Variants in PPP2R2C observed in about 807,000 individuals in gnomAD.
PPP2R2C encodes protein phosphatase 2 regulatory subunit Bgamma, also known as protein phosphatase 2, regulatory subunit B, gamma.
PPP2R2C carries 10 observed loss-of-function variants against 45.3 expected under a neutral mutation model. The observed-to-expected ratio is 0.22, with a 90% CI of 0.14 to 0.37. The LOEUF is 0.37. PPP2R2C is among the 10% of genes least tolerant of loss of function. PPP2R2C has a pLI of 1.00. For synonymous variants in PPP2R2C, 257 were observed against 245.4 expected (o/e 1.05, Z -0.44); for missense variants, 308 against 619.7 (o/e 0.50, Z 5.34).
chr4:6,437,877 C>A (rs1577182572), intron 1 of PPP2R2C, among the ~76,000 whole-genome samples: 1 of 152,208 alleles, frequency 6.6e-6, no homozygotes, highest in Non-Finnish European at 1.5e-5. Context: ...GCATCGGCTG[C>A]TGTCTCATCA....
At position 6,330,579 on chromosome 4, in the gene PPP2R2C, G is replaced by A. The variant is rs1732329542; in HGVS notation, c.961-1226C>T. On this transcript the variant is annotated intron_variant, in intron 7 of 8. Transcript: ENST00000382599. The surrounding 1 kb of genome is among the most constrained non-coding windows in gnomAD (Gnocchi z 7.0). ...GGGGATTCCGCTAACAGATGCGTGT[G>A]GGCTCGCATAGTCACTCTCCCCTGG... Among the ~76,000 whole-genome samples, 1 of 152,132 alleles carries A rather than the reference G, an allele frequency of 6.6e-6. No individual in the cohort carries two copies. Among genetic ancestry groups the A allele is most frequent in the African/African-American group, 2.4e-5 (1 of 41,412 alleles).
Position 6,384,268 on chromosome 4 carries a change from C to T in PPP2R2C, c.71-3174G>A, listed in dbSNP as rs146179496. ...TTAAAACCCCCTGAGGGTGAAGGAA[C>T]GGGATATAAAATTGGGTATAAAATG... is the stretch of plus-strand genomic sequence containing the variant. On this transcript the variant is annotated intron_variant, in intron 1 of 8. Transcript: ENST00000382599. 226 of 985,312 alleles carry T rather than the reference C, an allele frequency of 2.3e-4. 1 individual carries two copies. The African/African-American group carries it at 2.9e-3, about 13-fold the overall frequency. 61.0% of individuals were successfully genotyped at this position (985,312 alleles called of 1,614,324 possible).
intron 1 of PPP2R2C, among the ~76,000 whole-genome samples, chr4:6,390,131 A>AGG (rs1716499056): frequency 6.6e-6 from 1 of 152,066 alleles, no homozygotes; most frequent in African/African-American, 2.4e-5. Flanking sequence ...TTTTACCTCC[A>AGG]CGTACTTCCA....
intron 1 of PPP2R2C, among the ~76,000 whole-genome samples, chr4:6,436,158 A>G (rs1341630765): frequency 1.3e-5 from 2 of 152,244 alleles, no homozygotes; most frequent in Admixed American, 1.3e-4. Context: ...ACACCTGGGT[A>G]TCAGACTTCC....
intron 2 of PPP2R2C, among the ~76,000 whole-genome samples, chr4:6,532,599 G>T (rs926111003): frequency 6.6e-6 from 1 of 152,174 alleles, no homozygotes; most frequent in African/African-American, 2.4e-5. Flanking sequence ...GTTTTTAAAA[G>T]GCAAAATAAA....
chr4:6,507,525 A>T (rs938384715), intron 2 of PPP2R2C, among the ~76,000 whole-genome samples: 1 of 152,222 alleles, frequency 6.6e-6, no homozygotes, highest in Non-Finnish European at 1.5e-5. Context: ...GTGGAGTGAG[A>T]GGCCGAGCCA....
chr4:6,461,283 G>C (rs898062927), intron 1 of PPP2R2C, among the ~76,000 whole-genome samples: 1 of 152,130 alleles, frequency 6.6e-6, no homozygotes, highest in South Asian at 2.1e-4. Flanking sequence ...TTCTTAGTAG[G>C]GTTTTTTGGA....
chr4:6,478,496 C>T (rs1156735176), intron 2 of PPP2R2C, among the ~76,000 whole-genome samples: 7 of 131,446 alleles, frequency 5.3e-5, no homozygotes, highest in African/African-American at 8.4e-5. Context: ...TCCATCAGCC[C>T]GAGTCCTTAA....
At chr4:6,380,257 A>C (rs1715678212) in intron 2 of PPP2R2C, 1 of 152,296 alleles carries the variant, frequency 6.6e-6, no homozygotes, top group Non-Finnish European at 1.5e-5. Context: ...AGCAGTGCAG[A>C]GTAAACCAGA....
Position 6,328,377 on chromosome 4 carries a change from G to A in PPP2R2C, c.1052+885C>T, listed in dbSNP as rs553613547. On this transcript the variant is annotated intron_variant, in intron 8 of 8. Coordinates refer to ENST00000382599, the MANE Select transcript of PPP2R2C (RefSeq NM_020416.4). The surrounding 1 kb of genome is among the most constrained non-coding windows in gnomAD (Gnocchi z 4.4). ...GCATCCTGTCCTTGAGGAAGCAGCT[G>A]TAGGAGACACTGAGAGGCCACCTCT... Among the ~76,000 whole-genome samples, 5 of 152,316 alleles carry A rather than the reference G, an allele frequency of 3.3e-5. No individual in the cohort carries two copies. Among genetic ancestry groups the A allele is most frequent in the African/African-American group, 9.6e-5 (4 of 41,570 alleles).
At chr4:6,371,849 G>T (rs577652405) in intron 5 of PPP2R2C, among the ~76,000 whole-genome samples, 1 of 152,206 alleles carries the variant, frequency 6.6e-6, no homozygotes, top group African/African-American at 2.4e-5. Flanking sequence ...ATCATTGGTT[G>T]TATGCAGAAT....
At chr4:6,449,862 G>T (rs1165673139) in intron 1 of PPP2R2C, among the ~76,000 whole-genome samples, 1 of 152,212 alleles carries the variant, frequency 6.6e-6, no homozygotes, top group African/African-American at 2.4e-5. Context: ...GAGGCACACG[G>T]TTCCCAGAGG....
At chr4:6,352,661 G>C (rs1012365031) in intron 5 of PPP2R2C, among the ~76,000 whole-genome samples, 1 of 152,204 alleles carries the variant, frequency 6.6e-6, no homozygotes, top group Admixed American at 6.5e-5. Flanking sequence ...GTTATGCAGA[G>C]AGGATGAAAA....
At chr4:6,537,551 G>GTTT (rs66460332) in intron 1 of PPP2R2C, among the ~76,000 whole-genome samples, 1 of 127,642 alleles carries the variant, frequency 7.8e-6, no homozygotes. Context: ...AAGATTTTTT[G>GTTT]TTTTTTTTTT....
intron 2 of PPP2R2C, among the ~76,000 whole-genome samples, chr4:6,495,371 G>A (rs1024279140): frequency 8.5e-5 from 13 of 152,202 alleles, no homozygotes; most frequent in South Asian, 4.1e-4. Flanking sequence ...CAGCACCCAC[G>A]AAAACAGTGT....
intron 2 of PPP2R2C, among the ~76,000 whole-genome samples, chr4:6,484,431 G>A (rs56143233): frequency 6.0e-5 from 9 of 151,054 alleles, no homozygotes; most frequent in African/African-American, 1.9e-4. Flanking sequence ...CTCCAACTTC[G>A]TTCTTCTATT....
Position 6,378,680 on chromosome 4 carries a change from G to T in PPP2R2C, c.169-108C>A. The T allele has an allele frequency of 8.4e-7, 1 of 1,190,734 alleles. No homozygotes were observed. The allele number at this position is 1,190,734 out of a possible 1,614,324, so 73.8% of individuals were successfully genotyped here. A position where few individuals can be genotyped will look rare whatever the true frequency, so the allele number is the denominator to read the frequency against. On this transcript the variant is annotated intron_variant, in intron 2 of 8. Transcript: ENST00000382599. This position sits in a 1 kb window ranked among gnomAD's most constrained non-coding sequence, Gnocchi z 5.2. ...GCCGTGGGACCAAGTGCCGAGCCGTGCCAGGGATCCAATTCGAGGGTCAAA... is the reference window on the plus strand; with the variant it reads ...GCCGTGGGACCAAGTGCCGAGCCGTTCCAGGGATCCAATTCGAGGGTCAAA...
chr4:6,547,850 G>A (rs1228216795), intron 1 of PPP2R2C, among the ~76,000 whole-genome samples: 1 of 152,168 alleles, frequency 6.6e-6, no homozygotes, highest in African/African-American at 2.4e-5. Flanking sequence ...CTAAAACCAT[G>A]AGACTTTTAA....
At chr4:6,447,792 T>C (rs1720509904) in intron 1 of PPP2R2C, among the ~76,000 whole-genome samples, 1 of 151,658 alleles carries the variant, frequency 6.6e-6, no homozygotes, top group Non-Finnish European at 1.5e-5. Flanking sequence ...CTTCTCGGGG[T>C]CTCCGTTTTC....
Sources: gnomAD v4.1 joint callset for allele counts (sites outside exome capture counted in the v4.1 genomes callset) on GRCh38, gnomAD v4.1.1 for gene constraint, Gnocchi (gnomAD v3.1) non-coding constraint, MANE v1.5 for transcripts, NCBI Gene and HGNC (gene_info 2026-07-23, HGNC 2026-07-21) for gene names.